The following FAM222B variants were observed in gnomAD, a reference collection of about 807,000 sequenced individuals.
The protein encoded by FAM222B is protein FAM222B.
FAM222B carries 12 observed loss-of-function variants against 38.0 expected under a neutral mutation model. The ratio of observed to expected loss-of-function variants is 0.32; its 90% confidence interval spans 0.20 to 0.51. The LOEUF (loss-of-function observed/expected upper bound fraction) is 0.51, where lower values mean the gene tolerates loss of function less well. Ranked by LOEUF, FAM222B falls within the 20% of genes least tolerant of loss-of-function variation. The pLI, the probability that FAM222B is intolerant of heterozygous loss-of-function variation, is 0.97. For missense variants in FAM222B, 716 were observed against 754.2 expected, an observed-to-expected ratio of 0.95 and a Z score of 0.59; for synonymous variants, 329 against 317.2, an observed-to-expected ratio of 1.04 and a Z score of -0.40.
rs1408877831 is a variant in FAM222B at position 28,758,768 on chromosome 17, C to T, written c.1191G>A (p.Glu397=). ...TGCCCACAAAGCCAGGCCCTGCCAA[C>T]TCGCGTCCTGCCGCATGCTTGCCTG... The part of the protein sequence containing the change: ...GLTGKHAAGR[E]LAGPGFVGKA... Residue 397 remains glutamate, a synonymous_variant, in exon 3 of 3, where the codon GAG becomes GAA. Coordinates refer to ENST00000581407, the MANE Select transcript of FAM222B (RefSeq NM_001077498.3). The T allele has an allele frequency of 6.4e-7, 1 of 1,572,958 alleles. No individual in the cohort carries two copies. The highest frequency in any genetic ancestry group is 1.1e-5 in the South Asian group (1 of 86,978).
intron 1 of FAM222B, among the ~76,000 whole-genome samples, chr17:28,833,390 G>T (rs1379997593): frequency 6.6e-6 from 1 of 151,742 alleles, no homozygotes; most frequent in East Asian, 1.9e-4. Context: ...GCCGAAGCAG[G>T]TGCATCACCT....
chr17:28,796,305 C>G (rs2036936651), intron 1 of FAM222B, among the ~76,000 whole-genome samples: 1 of 152,222 alleles, frequency 6.6e-6, no homozygotes, highest in Admixed American at 6.5e-5. Flanking sequence ...AATGAAACTG[C>G]TAATGATAAT....
intron 1 of FAM222B, among the ~76,000 whole-genome samples, chr17:28,816,421 A>G (rs1446049590): frequency 6.6e-6 from 1 of 152,210 alleles, no homozygotes; most frequent in Admixed American, 6.5e-5. Flanking sequence ...TCTCTCAAAA[A>G]TAGATGGAAG....
rs145964452 is a variant in FAM222B, at chr17:28,789,941, T to A, written c.-40-23234A>T. Among the ~76,000 whole-genome samples the A allele has an allele frequency of 9.2e-5, 14 of 152,352 alleles. No homozygotes were observed. In the East Asian group the frequency reaches 2.5e-3, roughly 27 times the overall value. On this transcript the variant is annotated intron_variant, in intron 1 of 2. Coordinates refer to ENST00000581407, the MANE Select transcript of FAM222B (RefSeq NM_001077498.3). ...GGTACACTGGGTAAAGCAGGCATGT[T>A]ACCAGAATACAACAGTTGTGAATTT...
At chr17:28,787,697 A>G (rs2036475601) in intron 1 of FAM222B, among the ~76,000 whole-genome samples, 1 of 152,182 alleles carries the variant, frequency 6.6e-6, no homozygotes. Flanking sequence ...AAACAGATAT[A>G]CAGTCCCTGT....
chr17:28,766,826 G>A lies in FAM222B; in HGVS notation c.-40-119C>T, dbSNP rs545491132. 8.5e-6 allele frequency: 5 copies of A among 588,846 alleles called. No individual in the cohort carries two copies. The South Asian group carries it at 1.1e-4, about 13-fold the overall frequency. 36.5% of individuals were successfully genotyped at this position (588,846 alleles called of 1,614,324 possible). On this transcript the variant is annotated intron_variant, in intron 1 of 2. Coordinates refer to ENST00000581407, the MANE Select transcript of FAM222B (RefSeq NM_001077498.3). ...TTAGACACATAAAGCAATTTAATTA[G>A]CAGTGTGTTGGTTGAAAGTATACTT...
chr17:28,828,051 A>G, intron 1 of FAM222B, among the ~76,000 whole-genome samples: 1 of 151,110 alleles, frequency 6.6e-6, no homozygotes, highest in East Asian at 1.9e-4. Flanking sequence ...GGGACCAACC[A>G]GATATGTCGG....
In FAM222B at chr17:28,766,751, T is replaced by C. The variant is rs567602508; in HGVS notation, c.-40-44A>G. The C allele has an allele frequency of 4.2e-5, 47 of 1,128,768 alleles. No individual in the cohort carries two copies. The African/African-American group carries it at 5.4e-4, about 13-fold the overall frequency. The allele number at this position is 1,128,768 out of a possible 1,614,324, so 69.9% of individuals were successfully genotyped here. On this transcript the variant is annotated intron_variant, in intron 1 of 2. Transcript: ENST00000581407. ...AGGTCATGAAACACAAGGCAACTCA[T>C]TCGAAGAAGAGAGTAGGAACACTGG... is the stretch of plus-strand genomic sequence containing the variant.
chr17:28,760,558 C>T (rs1052616566), intron 2 of FAM222B, among the ~76,000 whole-genome samples: 1 of 150,584 alleles, frequency 6.6e-6, no homozygotes, highest in South Asian at 2.1e-4. Context: ...CCAACCTGGG[C>T]GACAGAGCAA....
chr17:28,838,052 G>A (rs1825534574), intron 1 of FAM222B, among the ~76,000 whole-genome samples: 1 of 151,572 alleles, frequency 6.6e-6, no homozygotes, highest in South Asian at 2.1e-4. Flanking sequence ...GAACATTTGA[G>A]GTCAGGAGTT....
At chr17:28,770,511 TC>T (rs1204790092) in intron 1 of FAM222B, among the ~76,000 whole-genome samples, 1 of 151,618 alleles carries the variant, frequency 6.6e-6, no homozygotes, top group Non-Finnish European at 1.5e-5. Flanking sequence ...CAAGCGATTC[TC>T]CTGCCTCAGC....
intron 1 of FAM222B, among the ~76,000 whole-genome samples, chr17:28,816,671 A>C (rs910766270): frequency 1.3e-5 from 2 of 152,232 alleles, no homozygotes; most frequent in Non-Finnish European, 2.9e-5. Context: ...CCCGAAAAGA[A>C]GGCAAACAGT....
At chr17:28,840,151 G>A (rs1160743848) in intron 1 of FAM222B, among the ~76,000 whole-genome samples, 8 of 152,028 alleles carry the variant, frequency 5.3e-5, no homozygotes, top group African/African-American at 1.2e-4. Flanking sequence ...CGAGGCAGGC[G>A]GATCACCTGG....
intron 1 of FAM222B, among the ~76,000 whole-genome samples, chr17:28,831,925 C>CA (rs1319092165): frequency 6.6e-6 from 1 of 152,154 alleles, no homozygotes; most frequent in Non-Finnish European, 1.5e-5. Context: ...TGCAGTGGCT[C>CA]ACGCCTGTAA....
chr17:28,783,185 A>G (rs1269531654), intron 1 of FAM222B, among the ~76,000 whole-genome samples: 1 of 151,898 alleles, frequency 6.6e-6, no homozygotes, highest in Non-Finnish European at 1.5e-5. Context: ...CTAGTTTAGG[A>G]TAACATACAA....
chr17:28,786,754 G>T (rs559052634), intron 1 of FAM222B, among the ~76,000 whole-genome samples: 7 of 152,140 alleles, frequency 4.6e-5, no homozygotes, highest in Admixed American at 1.3e-4. Context: ...GTATCCATTT[G>T]GTCTGACAAC....
rs533356019 is a variant in FAM222B at position 28,757,271 on chromosome 17, A to T, written c.*999T>A. On this transcript the variant is annotated 3_prime_UTR_variant, in exon 3 of 3. Coordinates refer to ENST00000581407, the MANE Select transcript of FAM222B (RefSeq NM_001077498.3). ...GGTGAATGTACCTGTGGGGCCACTC[A>T]CACACAATGCTACTCAAACCCACAC... The T allele has an allele frequency of 2.0e-5, 3 of 152,698 alleles. No homozygotes were observed. In the South Asian group the frequency reaches 6.2e-4, roughly 32 times the overall value. The allele number at this position is 152,698 out of a possible 1,614,324, so 9.5% of individuals were successfully genotyped here.
At chr17:28,837,324 G>A (rs1460433456) in intron 1 of FAM222B, among the ~76,000 whole-genome samples, 2 of 151,366 alleles carry the variant, frequency 1.3e-5, no homozygotes, top group Non-Finnish European at 2.9e-5. Context: ...TAGCTACTAG[G>A]GAGGCTGAGG....
At chr17:28,770,243 G>A (rs1016928637) in intron 1 of FAM222B, among the ~76,000 whole-genome samples, 2 of 152,048 alleles carry the variant, frequency 1.3e-5, no homozygotes, top group Non-Finnish European at 2.9e-5. Context: ...CACTTACGAG[G>A]CTCTCCATAA....
Sources: gnomAD v4.1 joint callset for allele counts (sites outside exome capture counted in the v4.1 genomes callset) on GRCh38, gnomAD v4.1.1 for gene constraint, MANE v1.5 for transcripts, NCBI Gene and HGNC (gene_info 2026-07-23, HGNC 2026-07-21) for gene names.